Variants in KAZN observed in about 807,000 individuals in gnomAD.
KAZN encodes the protein kazrin, periplakin interacting protein.
In KAZN, 40 loss-of-function variants were observed where a neutral mutation model predicts 87.4. The ratio of observed to expected loss-of-function variants is 0.46; its 90% CI spans 0.36 to 0.60. The LOEUF is 0.60. KAZN is among the 20% of genes least tolerant of loss of function. The pLI is 0.00. For synonymous variants in KAZN, 466 were observed against 458.3 expected (o/e 1.02, Z -0.22); for missense variants, 898 against 1,073.9 (o/e 0.84, Z 2.29).
At position 14,773,535 on chromosome 1, in the gene KAZN, G is replaced by A. The variant is rs1271689849; in HGVS notation, c.226+174312G>A. Among the ~76,000 whole-genome samples the A allele has an allele frequency of 8.5e-5, 13 of 152,276 alleles. No individual in the cohort carries two copies. Among genetic ancestry groups the A allele is most frequent in the East Asian group, 1.9e-4 (1 of 5,174 alleles). On this transcript the variant is annotated intron_variant, in intron 1 of 14. Transcript: ENST00000376030. The surrounding 1 kb of genome is among the most constrained non-coding windows in gnomAD (Gnocchi z 5.9). Reference sequence around the variant, plus strand: ...GGAGGCAAAAGGGCCTGGCTTCCCCGAATCTCAGCTTCCTCATCTGAGATG... The same window carrying A: ...GGAGGCAAAAGGGCCTGGCTTCCCCAAATCTCAGCTTCCTCATCTGAGATG...
chr1:13,964,405 T>C (rs1385738855), intron 1 of KAZN, among the ~76,000 whole-genome samples: 4 of 152,234 alleles, frequency 2.6e-5, no homozygotes, highest in Admixed American at 6.5e-5. Context: ...CACAACCTGA[T>C]GGCTTAAAAC....
intron 2 of KAZN, among the ~76,000 whole-genome samples, chr1:14,376,248 C>T (rs1255457475): frequency 6.6e-6 from 1 of 152,152 alleles, no homozygotes; most frequent in Non-Finnish European, 1.5e-5. Context: ...ACAGTACTTT[C>T]ATCAGTGATA....
intron 1 of KAZN, among the ~76,000 whole-genome samples, chr1:13,989,987 T>C (rs1223999265): frequency 6.6e-6 from 1 of 152,192 alleles, no homozygotes; most frequent in African/African-American, 2.4e-5. Flanking sequence ...CAGGAAAAAC[T>C]ACCCAAGTGA....
intron 2 of KAZN, among the ~76,000 whole-genome samples, chr1:14,415,752 C>T (rs1224720945): frequency 6.6e-6 from 1 of 152,140 alleles, no homozygotes; most frequent in African/African-American, 2.4e-5. Flanking sequence ...TTTGCCTTCC[C>T]TTCCCTTCCC....
intron 2 of KAZN, among the ~76,000 whole-genome samples, chr1:14,582,288 C>T (rs370900704): frequency 6.6e-6 from 1 of 152,284 alleles, no homozygotes. Flanking sequence ...CTCCAGAAAA[C>T]GCTAAGGATT....
chr1:15,094,195 G>A lies in KAZN; in HGVS notation c.1238G>A (p.Cys413Tyr). 1.2e-6 allele frequency: 2 copies of A among 1,613,288 alleles called. No individual in the cohort carries two copies. The highest frequency in any genetic ancestry group is 8.5e-7 in the Non-Finnish European group (1 of 1,179,862). Residue 413 changes from cysteine to tyrosine, a missense_variant, in exon 9 of 15, where the codon TGC becomes TAC. This residue lies in a region of KAZN where 521 missense variants were observed against 689.4 expected (regional missense o/e 0.76). Transcript: ENST00000376030. This position sits in a 1 kb window ranked among gnomAD's most constrained non-coding sequence, Gnocchi z 4.5. ...TGTGTTGCAGACTCGGACAGCCAGT[G>A]CAGCCCCACGCGGCAGAGCCTCAGC... ...PGLFDDSDSQ[C>Y]SPTRQSLSLS... is the part of the protein sequence containing the mutation.
chr1:14,728,356 G>A (rs1175322118), intron 1 of KAZN, among the ~76,000 whole-genome samples: 6 of 150,954 alleles, frequency 4.0e-5, no homozygotes, highest in Non-Finnish European at 7.4e-5. Context: ...GCAGAGCTTC[G>A]GCGGTAACAT....
At chr1:14,260,215 A>G (rs1650902263) in intron 2 of KAZN, among the ~76,000 whole-genome samples, 1 of 152,178 alleles carries the variant, frequency 6.6e-6, no homozygotes, top group Admixed American at 6.5e-5. Context: ...AGTGAGCAAA[A>G]CAGACAGATA....
At chr1:15,097,822 A>C (rs1358506457) in intron 10 of KAZN, among the ~76,000 whole-genome samples, 1 of 152,182 alleles carries the variant, frequency 6.6e-6, no homozygotes, top group East Asian at 1.9e-4. Flanking sequence ...CCGTCTGAAA[A>C]ATAAAGTCGG....
At chr1:14,826,899 C>T (rs1646905813) in intron 1 of KAZN, among the ~76,000 whole-genome samples, 1 of 152,166 alleles carries the variant, frequency 6.6e-6, no homozygotes. Flanking sequence ...TGGGGTCAGA[C>T]CAAATGGGGT....
intron 1 of KAZN, among the ~76,000 whole-genome samples, chr1:13,998,534 A>G (rs903430429): frequency 7.9e-5 from 12 of 152,264 alleles, no homozygotes; most frequent in African/African-American, 2.4e-4. Flanking sequence ...AGGAATATTT[A>G]CCAAGCAAAT....
Position 15,066,221 on chromosome 1 carries a change from G to A in KAZN, c.1222+468G>A. 6.1e-6 allele frequency: 6 copies of A among 989,744 alleles called. No individual in the cohort carries two copies. Among genetic ancestry groups the A allele is most frequent in the Non-Finnish European group, 7.2e-6 (6 of 833,114 alleles). 61.3% of individuals were successfully genotyped at this position (989,744 alleles called of 1,614,324 possible). A position where few individuals can be genotyped will look rare whatever the true frequency, so the allele number is the denominator to read the frequency against. On this transcript the variant is annotated intron_variant, in intron 8 of 14. Transcript: ENST00000376030. The surrounding 1 kb of genome is among the most constrained non-coding windows in gnomAD (Gnocchi z 4.3). ...ACTTGAAAACTTGAAGGACTGCTGT[G>A]TATTTGTAAATAACAAAACTATTGT...
At chr1:14,081,671 G>C (rs1643678891) in intron 1 of KAZN, among the ~76,000 whole-genome samples, 1 of 152,142 alleles carries the variant, frequency 6.6e-6, no homozygotes, top group Non-Finnish European at 1.5e-5. Flanking sequence ...GCCAATCCCT[G>C]ATTTAAATGA....
At chr1:13,999,304 C>A (rs542050999) in intron 1 of KAZN, among the ~76,000 whole-genome samples, 4 of 151,720 alleles carry the variant, frequency 2.6e-5, no homozygotes, top group Admixed American at 2.0e-4. Context: ...GCCAAGATCA[C>A]GCCATTGCGC....
chr1:15,112,107 T>G, intron 13 of KAZN: 1 of 387,628 alleles, frequency 2.6e-6, no homozygotes, highest in Non-Finnish European at 4.8e-6. Flanking sequence ...GATCAAGACT[T>G]TGGAGTGTCA....
intron 2 of KAZN, among the ~76,000 whole-genome samples, chr1:14,472,995 A>G (rs1019322588): frequency 9.2e-5 from 14 of 152,116 alleles, no homozygotes; most frequent in Non-Finnish European, 1.6e-4. Flanking sequence ...TACACCTTTC[A>G]GTTTCCTAAT....
chr1:14,822,082 C>T (rs1013710554), intron 1 of KAZN, among the ~76,000 whole-genome samples: 1 of 152,160 alleles, frequency 6.6e-6, no homozygotes, highest in African/African-American at 2.4e-5. Context: ...CCTGGAGTTT[C>T]CTGGTTCCCC....
At chr1:14,153,836 G>T (rs1383371489) in intron 1 of KAZN, among the ~76,000 whole-genome samples, 1 of 150,834 alleles carries the variant, frequency 6.6e-6, no homozygotes, top group African/African-American at 2.4e-5. Context: ...TTGTTTCTGG[G>T]TTCTCTATTC....
intron 11 of KAZN, 88 bp from the exon 12 acceptor site, chr1:15,103,271 G>A (rs1245143612): frequency 2.8e-5 from 26 of 929,360 alleles, no homozygotes; most frequent in Non-Finnish European, 4.2e-5. Context: ...TGTCTCGGGG[G>A]GAAAAAGAGA....
Sources: allele counts gnomAD v4.1 joint callset (sites outside exome capture counted in the v4.1 genomes callset), GRCh38; gene constraint gnomAD v4.1.1; regional missense constraint gnomAD v4.1.1; non-coding constraint Gnocchi (gnomAD v3.1); transcripts MANE v1.5; gene names NCBI Gene and HGNC (gene_info 2026-07-23, HGNC 2026-07-21).